KRT1: variants seen among roughly 807,000 people sequenced by gnomAD.
The protein encoded by KRT1 is keratin, type II cytoskeletal 1.
Under a neutral mutation model 51.6 loss-of-function variants are expected in KRT1, and 28 were observed. The ratio of observed to expected loss-of-function variants is 0.54; its 90% CI spans 0.40 to 0.74. The LOEUF is 0.74. Among genes scored for constraint, KRT1 ranks in the 30% least tolerant of loss-of-function variants. KRT1 has a pLI of 0.00. For synonymous variants in KRT1, 301 were observed against 307.7 expected (o/e 0.98, Z 0.23); for missense variants, 783 against 815.5 (o/e 0.96, Z 0.49).
At position 52,677,400 on chromosome 12, in the gene KRT1, G is replaced by C; in HGVS notation, c.1044C>G (p.Asp348Glu). The change falls in exon 5 of 9, where the codon GAC becomes GAG. Residue 348 changes from aspartate to glutamate, a missense_variant. Coordinates refer to ENST00000252244, the MANE Select transcript of KRT1 (RefSeq NM_006121.4). ...SMDNNRSLDL[D>E]SIIAEVKAQY... The stretch of plus-strand genomic sequence containing the variant: ...GGGCCTTGACCTCAGCAATGATGCT[G>C]TCCAGGTCGAGACTGCGGTTGTTGT... 2 of 1,614,218 alleles carry C rather than the reference G, an allele frequency of 1.2e-6. No homozygotes were observed. The highest frequency in any genetic ancestry group is 1.7e-6 in the Non-Finnish European group (2 of 1,180,040).
intron 6 of KRT1, among the ~76,000 whole-genome samples, chr12:52,676,780 C>T (rs1941510475): frequency 6.6e-6 from 1 of 152,190 alleles, no homozygotes. Context: ...GCTGCCCTTC[C>T]TCTCACTCCC....
Position 52,680,363 on chromosome 12 carries a change from A to T in KRT1, c.-15T>A. 1.2e-6 allele frequency: 2 copies of T among 1,609,970 alleles called. No individual in the cohort carries two copies. Among genetic ancestry groups the T allele is most frequent in the Non-Finnish European group, 1.7e-6 (2 of 1,176,732 alleles). ...TGTCGACTCATGTTGACTTAGAGAA[A>T]AGTAGGAGCAAGGTAGAGTAAGGGA... On this transcript the variant is annotated 5_prime_UTR_variant, in exon 1 of 9. Transcript: ENST00000252244.
chr12:52,680,328 G>A lies in KRT1; in HGVS notation c.21C>T (p.Ser7=). Residue 7 remains serine, a synonymous_variant, in exon 1 of 9, where the codon TCC becomes TCT. Transcript: ENST00000252244. MSRQFS[S]RSGYRSGGGF... ...CCCCTCCACTTCGGTACCCAGACCTGGAACTAAACTGTCGACTCATGTTGA... is the reference window on the plus strand; with the variant it reads ...CCCCTCCACTTCGGTACCCAGACCTAGAACTAAACTGTCGACTCATGTTGA... The A allele has an allele frequency of 6.2e-7, 1 of 1,614,130 alleles. No homozygotes were observed. Among genetic ancestry groups the A allele is most frequent in the East Asian group, 2.2e-5 (1 of 44,882 alleles).
At chr12:52,678,033 G>T in intron 3 of KRT1, 130 bp downstream of exon 3, 1 of 857,802 alleles carries the variant, frequency 1.2e-6, no homozygotes, top group Non-Finnish European at 2.0e-6. Context: ...TGAAAATATA[G>T]CCCCACTCCA....
Position 52,675,005 on chromosome 12 carries a change from G to T in KRT1, c.*188C>A, listed in dbSNP as rs1237752609. ...GGGTCATAGCCAGGGGACTGAGATTGCCACTGATCTGAAAACTTCATTGGG... is the reference window on the plus strand; with the variant it reads ...GGGTCATAGCCAGGGGACTGAGATTTCCACTGATCTGAAAACTTCATTGGG... On this transcript the variant is annotated 3_prime_UTR_variant, in exon 9 of 9. Coordinates refer to ENST00000252244, the MANE Select transcript of KRT1 (RefSeq NM_006121.4). 3 of 816,314 alleles carry T rather than the reference G, an allele frequency of 3.7e-6. No homozygotes were observed. Among genetic ancestry groups the T allele is most frequent in the Non-Finnish European group, 6.2e-6 (3 of 481,166 alleles). The allele number at this position is 816,314 out of a possible 1,614,324, so 50.6% of individuals were successfully genotyped here.
intron 6 of KRT1, among the ~76,000 whole-genome samples, chr12:52,676,727 A>G (rs1382535936): frequency 3.9e-5 from 6 of 152,174 alleles, no homozygotes; most frequent in Admixed American, 3.9e-4. Context: ...TACAACCCTT[A>G]CAGACTTGAC....
rs1289748166 is a variant in KRT1, at chr12:52,677,359, G to A, written c.1085C>T (p.Ala362Val). 6.2e-7 allele frequency: 1 copy of A among 1,614,214 alleles called. No homozygotes were observed. Among genetic ancestry groups the A allele is most frequent in the Non-Finnish European group, 8.5e-7 (1 of 1,180,036 alleles). The change falls in exon 5 of 9, where the codon GCC becomes GTC. Residue 362 changes from alanine (A) to valine (V), a missense_variant. Coordinates refer to ENST00000252244, the MANE Select transcript of KRT1 (RefSeq NM_006121.4). ...AEVKAQYEDI[A>V]QKSKAEAESL... is the part of the protein sequence containing the mutation. ...CTCGGCCTCAGCTTTGCTCTTCTGG[G>A]CTATATCCTCGTACTGGGCCTTGAC...
Position 52,675,335 on chromosome 12 carries a change from C to G in KRT1, c.1793G>C (p.Ser598Thr). Reference protein sequence around the residue: ...RGGSGGGGGGSSGGRGSGGGS... With the variant: ...RGGSGGGGGGTSGGRGSGGGS... ...GCCGCCAGAGCCCCGGCCGCCAGAG[C>G]TGCCGCCGCCGCCGCCTCCAGAGCC... The change falls in exon 9 of 9, where the codon AGC becomes ACC. Residue 598 changes from serine to threonine, a missense_variant. By Grantham distance (58) the Ser-to-Thr change is moderately conservative (BLOSUM62 1). Coordinates refer to ENST00000252244, the MANE Select transcript of KRT1 (RefSeq NM_006121.4). The G allele has an allele frequency of 6.2e-7, 1 of 1,610,276 alleles. No individual in the cohort carries two copies. The highest frequency in any genetic ancestry group is 8.5e-7 in the Non-Finnish European group (1 of 1,179,340).
chr12:52,676,172 C>G (rs991057952), intron 7 of KRT1, 103 bp downstream of exon 7: 4 of 990,186 alleles, frequency 4.0e-6, no homozygotes, highest in African/African-American at 3.2e-5. Flanking sequence ...TTTCCCCATA[C>G]CCAGCACAAG....
In KRT1 at chr12:52,677,353, T is replaced by C; in HGVS notation, c.1091A>G (p.Lys364Arg). The change falls in exon 5 of 9, where the codon AAG (lysine) becomes AGG (arginine). Residue 364 changes from lysine (K) to arginine (R), a missense_variant. Physicochemically the swap from Lys to Arg is conservative, Grantham distance 26. Transcript: ENST00000252244. ...VKAQYEDIAQKSKAEAESLYQ... is the reference protein window; with the variant it reads ...VKAQYEDIAQRSKAEAESLYQ... ...CAAGGACTCGGCCTCAGCTTTGCTC[T>C]TCTGGGCTATATCCTCGTACTGGGC... 6.2e-7 allele frequency: 1 copy of C among 1,614,250 alleles called. No individual in the cohort carries two copies. The highest frequency in any genetic ancestry group is 8.5e-7 in the Non-Finnish European group (1 of 1,180,044).
rs866517183 is a variant in KRT1 at position 52,679,984 on chromosome 12, A to C, written c.365T>G (p.Phe122Cys). 1 of 1,599,594 alleles carries C rather than the reference A, an allele frequency of 6.3e-7. No individual in the cohort carries two copies. Among genetic ancestry groups the C allele is most frequent in the Non-Finnish European group, 8.5e-7 (1 of 1,173,072 alleles). ...GGIGGGGFGG[F>C]GSGGGGFGGG... ...ACCAAAACCACCACCACCACTGCCA[A>C]AACCACCAAAGCCACCACCCCCAAT... is the stretch of plus-strand genomic sequence containing the variant. Residue 122 changes from phenylalanine to cysteine, a missense_variant, in exon 1 of 9, where the codon TTT becomes TGT. Coordinates refer to ENST00000252244, the MANE Select transcript of KRT1 (RefSeq NM_006121.4).
chr12:52,678,279 G>A, intron 2 of KRT1, 56 bp from the exon 3 acceptor site: 2 of 1,571,824 alleles, frequency 1.3e-6, no homozygotes, highest in Non-Finnish European at 1.7e-6. Flanking sequence ...CTGAAGTCCA[G>A]CATTCTAAAC....
At position 52,677,475 on chromosome 12, in the gene KRT1, C is replaced by T. The variant is rs1240885498; in HGVS notation, c.969G>A (p.Leu323=). Residue 323 remains leucine (L), a synonymous_variant, in exon 5 of 9, where the codon TTG becomes TTA. Coordinates refer to ENST00000252244, the MANE Select transcript of KRT1 (RefSeq NM_006121.4). The part of the protein sequence containing the change: ...DFLTALYQAE[L]SQMQTQISET... Reference sequence around the variant, plus strand: ...CACTGATTTGAGTCTGCATCTGAGACAACTCCTGCAAGACATAATAGGTTA... The same window carrying T: ...CACTGATTTGAGTCTGCATCTGAGATAACTCCTGCAAGACATAATAGGTTA... 1.4e-5 allele frequency: 22 copies of T among 1,614,116 alleles called. No individual in the cohort carries two copies. The highest frequency in any genetic ancestry group is 5.3e-5 in the African/African-American group (4 of 74,944).
Position 52,675,286 on chromosome 12 carries a change from T to C in KRT1, c.1842A>G (p.Gly614=). Residue 614 remains glycine, a synonymous_variant, in exon 9 of 9, where the codon GGA becomes GGG. Transcript: ENST00000252244. The part of the protein sequence containing the change: ...SGGGSSGGSI[G]GRGSSSGGVK... ...CACCCCCAGAGCTGGATCCCCGGCC[T>C]CCTATGGAGCCTCCAGAGCTCCCGC... 5 of 1,613,566 alleles carry C rather than the reference T, an allele frequency of 3.1e-6. No homozygotes were observed. Among genetic ancestry groups the C allele is most frequent in the Non-Finnish European group, 4.2e-6 (5 of 1,179,950 alleles).
At chr12:52,677,294 G>T (rs2121003460) in intron 5 of KRT1, 22 bp downstream of exon 5, 1 of 1,614,206 alleles carries the variant, frequency 6.2e-7, no homozygotes. Context: ...AGGGAAACTG[G>T]CTAGGCTTTC....
In KRT1 at chr12:52,675,388, G is replaced by A. The variant is rs771998586; in HGVS notation, c.1740C>T (p.Ser580=). The change falls in exon 9 of 9, where the codon TCC becomes TCT. Residue 580 remains serine, a synonymous_variant. Coordinates refer to ENST00000252244, the MANE Select transcript of KRT1 (RefSeq NM_006121.4). ...CTCTGTAGCCCCCACTGCTGCTTCC[G>A]GAGCCGTAGCTGCCATGGCCGCCGC... The part of the protein sequence containing the change: ...GGGGGHGSYG[S]GSSSGGYRGG... The A allele has an allele frequency of 6.9e-6, 11 of 1,602,980 alleles. No individual in the cohort carries two copies. The highest frequency in any genetic ancestry group is 3.4e-5 in the Admixed American group (2 of 58,790).
rs1436079328 is a variant in KRT1, at chr12:52,676,301, C to T, written c.1449G>A (p.Arg483=). Reference sequence around the variant, plus strand: ...TGCTTTCTTCTCCCTCCAGGAGGGTCCTGTAGGTGGCAATCTCCAGATCCA... The same window carrying T: ...TGCTTTCTTCTCCCTCCAGGAGGGTTCTGTAGGTGGCAATCTCCAGATCCA... ...LALDLEIATY[R]TLLEGEESRM... Residue 483 remains arginine (R), a synonymous_variant, in exon 7 of 9, where the codon AGG becomes AGA. Transcript: ENST00000252244. 6.2e-7 allele frequency: 1 copy of T among 1,614,142 alleles called. No individual in the cohort carries two copies. The highest frequency in any genetic ancestry group is 2.2e-5 in the East Asian group (1 of 44,870).
In KRT1 at chr12:52,678,703, C is replaced by T; in HGVS notation, c.645G>A (p.Leu215=). Residue 215 remains leucine (L), a synonymous_variant, in exon 2 of 9, where the codon CTG becomes CTA. Transcript: ENST00000252244. ...TTCTAGTGGAGGTATCTACCTGCTG[C>T]AGCAGCTCCCATTTTGTTTGCAGTA... is the stretch of plus-strand genomic sequence containing the variant. ...NQVLQTKWEL[L]QQVDTSTRTH... The T allele has an allele frequency of 6.2e-7, 1 of 1,614,230 alleles. No homozygotes were observed. Among genetic ancestry groups the T allele is most frequent in the Non-Finnish European group, 8.5e-7 (1 of 1,180,040 alleles).
Position 52,680,157 on chromosome 12 carries a change from A to G in KRT1, c.192T>C (p.Ser64=). The G allele has an allele frequency of 6.2e-7, 1 of 1,606,112 alleles. No homozygotes were observed. The highest frequency in any genetic ancestry group is 8.5e-7 in the Non-Finnish European group (1 of 1,176,104). The change falls in exon 1 of 9, where the codon AGT becomes AGC. Residue 64 remains serine (S), a synonymous_variant. Transcript: ENST00000252244. Reference sequence around the variant, plus strand: ...TGCCACCAAGGTTAACAAGACTCCGACTTCCAAATCCACCACCAGCACCAA... The same window carrying G: ...TGCCACCAAGGTTAACAAGACTCCGGCTTCCAAATCCACCACCAGCACCAA... ...GSFGAGGGFG[S]RSLVNLGGSK... is the part of the protein sequence containing the mutation.
Sources: gnomAD v4.1 joint callset for allele counts (sites outside exome capture counted in the v4.1 genomes callset) on GRCh38, gnomAD v4.1.1 for gene constraint, MANE v1.5 for transcripts, NCBI Gene and HGNC (gene_info 2026-07-23, HGNC 2026-07-21) for gene names.